RPTOR: variants seen among roughly 807,000 people sequenced by gnomAD.
RPTOR encodes regulatory-associated protein of mTOR.
Under a neutral mutation model 169.9 loss-of-function variants are expected in RPTOR, and 21 were observed. That is an observed-to-expected ratio of 0.12 (90% CI 0.09 to 0.18). The LOEUF (loss-of-function observed/expected upper bound fraction) is 0.18, where lower values mean the gene tolerates loss of function less well. RPTOR is among the 10% of genes least tolerant of loss of function. RPTOR has a pLI of 1.00. For missense variants in RPTOR, 1,133 were observed against 1,855.9 expected (o/e 0.61, Z 7.16); for synonymous variants, 732 against 753.2 (o/e 0.97, Z 0.46).
chr17:80,930,240 C>CTCAGCTCATCT, intron 24 of RPTOR, among the ~76,000 whole-genome samples: 1 of 39,804 alleles, frequency 2.5e-5, no homozygotes, highest in South Asian at 9.3e-4. Context: ...CCAGCTCATC[C>CTCAGCTCATCT]TCAGCTCAGC....
At chr17:80,747,001 T>G (rs912332835) in intron 5 of RPTOR, among the ~76,000 whole-genome samples, 3 of 152,034 alleles carry the variant, frequency 2.0e-5, no homozygotes, top group African/African-American at 7.2e-5. Flanking sequence ...GCAGCTCACT[T>G]GAGGTCAGGA....
At chr17:80,684,412 A>G (rs572698667) in intron 3 of RPTOR, among the ~76,000 whole-genome samples, 152 of 33,028 alleles carry the variant, frequency 4.6e-3, no homozygotes, top group East Asian at 0.021. Context: ...ATGTTTATTT[A>G]TTTATTTATT....
chr17:80,732,402 G>A (rs935271045), intron 5 of RPTOR, among the ~76,000 whole-genome samples: 1 of 152,114 alleles, frequency 6.6e-6, no homozygotes, highest in Non-Finnish European at 1.5e-5. Context: ...CATGTGCTCC[G>A]GCAGTGCTGT....
chr17:80,857,340 C>CGTCACGGAGAGGTGGCCGTGGT (rs1158827481), intron 12 of RPTOR, among the ~76,000 whole-genome samples: 2 of 152,160 alleles, frequency 1.3e-5, no homozygotes, highest in African/African-American at 4.8e-5. Flanking sequence ...CTGGCCGTGC[C>CGTCACGGAGAGGTGGCCGTGGT]GTCACGGAGA....
intron 1 of RPTOR, among the ~76,000 whole-genome samples, chr17:80,579,633 T>C (rs1365620671): frequency 2.6e-5 from 4 of 152,210 alleles, no homozygotes; most frequent in Non-Finnish European, 5.9e-5. Flanking sequence ...GAGCCTTATG[T>C]CCACATCACT....
chr17:80,720,537 C>T (rs559629710), intron 4 of RPTOR, among the ~76,000 whole-genome samples: 21 of 152,288 alleles, frequency 1.4e-4, no homozygotes, highest in African/African-American at 5.1e-4. Flanking sequence ...AACAAAAACT[C>T]CATTTCTTTG....
rs141838387 is a variant in RPTOR, at chr17:80,839,676, A to G, written c.1212+1679A>G. On this transcript the variant is annotated intron_variant, in intron 10 of 33. Coordinates refer to ENST00000306801, the MANE Select transcript of RPTOR (RefSeq NM_020761.3). ...TTTCAGAGTGCCTGCGCTTTTCCGA[A>G]GAGCTCTGGGCCTGTTGCCGCAAAC... Among the ~76,000 whole-genome samples, 21 of 152,308 alleles carry G rather than the reference A, an allele frequency of 1.4e-4. No homozygotes were observed. The East Asian group carries it at 3.3e-3, about 24-fold the overall frequency.
chr17:80,730,757 C>CCG lies in RPTOR; in HGVS notation c.654+51_654+52insCG. On this transcript the variant is annotated intron_variant, in intron 5 of 33. Coordinates refer to ENST00000306801, the MANE Select transcript of RPTOR (RefSeq NM_020761.3). This position sits in a 1 kb window ranked among gnomAD's most constrained non-coding sequence, Gnocchi z 4.2. ...GGTGCTGGGTTTGGTTTTGTTTTCC[C>CCG]TGGGGGTGGGGTTTGGGTGGGGAGG... 2 of 691,972 alleles carry CCG rather than the reference C, an allele frequency of 2.9e-6. No homozygotes were observed. Among genetic ancestry groups the CCG allele is most frequent in the Non-Finnish European group, 4.8e-6 (2 of 420,660 alleles). The allele number at this position is 691,972 out of a possible 1,614,324, so 42.9% of individuals were successfully genotyped here.
chr17:80,698,847 C>T (rs900980216), intron 3 of RPTOR, among the ~76,000 whole-genome samples: 1 of 152,198 alleles, frequency 6.6e-6, no homozygotes, highest in Non-Finnish European at 1.5e-5. Flanking sequence ...TGGTGCAGCT[C>T]TTCAGGGGGT....
chr17:80,895,365 C>A (rs949786246), intron 20 of RPTOR, among the ~76,000 whole-genome samples: 20 of 152,222 alleles, frequency 1.3e-4, no homozygotes, highest in African/African-American at 4.8e-4. Flanking sequence ...GCCCTCTGAC[C>A]CTGCTCCCTT....
At chr17:80,818,674 T>G (rs915391940) in intron 7 of RPTOR, among the ~76,000 whole-genome samples, 5 of 152,216 alleles carry the variant, frequency 3.3e-5, no homozygotes, top group African/African-American at 1.2e-4. Flanking sequence ...GAATGATTTC[T>G]GGGTCTGTCT....
intron 29 of RPTOR, among the ~76,000 whole-genome samples, chr17:80,958,011 G>A (rs1478252624): frequency 6.6e-6 from 1 of 152,150 alleles, no homozygotes; most frequent in East Asian, 1.9e-4. Context: ...TGCAAATTAA[G>A]GAATGTCAGA....
At chr17:80,711,609 A>C (rs1045660180) in intron 4 of RPTOR, among the ~76,000 whole-genome samples, 9 of 152,282 alleles carry the variant, frequency 5.9e-5, no homozygotes, top group African/African-American at 2.2e-4. Context: ...ATTAAGGTCC[A>C]TGCATTGCAT....
chr17:80,659,873 C>G lies in RPTOR; in HGVS notation c.348+16063C>G, dbSNP rs902826721. 6.6e-6 allele frequency among the ~76,000 whole-genome samples: 1 copy of G among 152,202 alleles called. No homozygotes were observed. The highest frequency in any genetic ancestry group is 1.5e-5 in the Non-Finnish European group (1 of 68,034). On this transcript the variant is annotated intron_variant, in intron 3 of 33. Transcript: ENST00000306801. The surrounding 1 kb of genome is among the most constrained non-coding windows in gnomAD (Gnocchi z 4.3). ...CTGTTGCTCAGGCTGGTCTCAAACT[C>G]CAGGGCTTAAGCAATCCTCCTGCCT... is the stretch of plus-strand genomic sequence containing the variant.
chr17:80,671,639 G>A (rs1281944272), intron 3 of RPTOR, among the ~76,000 whole-genome samples: 1 of 152,198 alleles, frequency 6.6e-6, no homozygotes, highest in African/African-American at 2.4e-5. Context: ...AAGAGAAGCA[G>A]CTTTGCATAG....
chr17:80,693,662 G>A lies in RPTOR; in HGVS notation c.349-14179G>A, dbSNP rs963633301. ...CGGTGTACGCAATTTCCTACTCTCAGCATCTGCCAGCCCAGACTCTGGCAG... is the reference window on the plus strand; with the variant it reads ...CGGTGTACGCAATTTCCTACTCTCAACATCTGCCAGCCCAGACTCTGGCAG... On this transcript the variant is annotated intron_variant, in intron 3 of 33. Coordinates refer to ENST00000306801, the MANE Select transcript of RPTOR (RefSeq NM_020761.3). Among the ~76,000 whole-genome samples the A allele has an allele frequency of 3.9e-5, 6 of 152,192 alleles. No homozygotes were observed. In the East Asian group the frequency reaches 1.2e-3, roughly 29 times the overall value.
intron 24 of RPTOR, among the ~76,000 whole-genome samples, chr17:80,938,933 G>A (rs997996146): frequency 2.0e-5 from 3 of 152,168 alleles, no homozygotes; most frequent in South Asian, 2.1e-4. Context: ...AACTCCACAC[G>A]GAGAAACCGT....
chr17:80,699,866 G>A (rs1031889041), intron 3 of RPTOR, among the ~76,000 whole-genome samples: 3 of 150,194 alleles, frequency 2.0e-5, no homozygotes, highest in Non-Finnish European at 3.0e-5. Context: ...GTGATGGGGA[G>A]CTAGAGGTGC....
intron 1 of RPTOR, among the ~76,000 whole-genome samples, chr17:80,598,305 C>T (rs183447503): frequency 2.0e-5 from 3 of 152,174 alleles, no homozygotes; most frequent in African/African-American, 7.2e-5. Context: ...AGCAGAGAGG[C>T]GTCTAGAAAG....
Sources: allele counts gnomAD v4.1 joint callset (sites outside exome capture counted in the v4.1 genomes callset), GRCh38; gene constraint gnomAD v4.1.1; non-coding constraint Gnocchi (gnomAD v3.1); transcripts MANE v1.5; gene names NCBI Gene and HGNC (gene_info 2026-07-23, HGNC 2026-07-21).